Variants in TTC6 observed in about 807,000 individuals in gnomAD.
TTC6 encodes the protein tetratricopeptide repeat protein 6.
A neutral mutation model predicts 210.4 loss-of-function variants in TTC6; 172 were observed. The observed-to-expected ratio is 0.82, with a 90% confidence interval of 0.72 to 0.93. TTC6 has a LOEUF of 0.93. TTC6 is among the 40% of genes least tolerant of loss of function. The probability of loss-of-function intolerance (pLI) is 0.00; values close to 1 mark genes in which losing one functional copy is unlikely to be tolerated. For synonymous variants in TTC6, 804 were observed against 819.6 expected, an observed-to-expected ratio of 0.98 and a Z score of 0.32; for missense variants, 2,414 against 2,318.1, an observed-to-expected ratio of 1.04 and a Z score of -0.85.
At chr14:37,772,363 CTAAG>C (rs2096022064) in intron 14 of TTC6, 2 of 160,148 alleles carry the variant, frequency 1.2e-5, no homozygotes, top group African/African-American at 4.8e-5. Context: ...CTTTGTTTAC[CTAAG>C]TAAGCCTGGG....
intron 12 of TTC6, among the ~76,000 whole-genome samples, 174 bp from the exon 15 acceptor site, chr14:37,750,879 G>A (rs1049214948): frequency 6.6e-6 from 1 of 152,064 alleles, no homozygotes; most frequent in Non-Finnish European, 1.5e-5. Context: ...GACAGAAGGA[G>A]ATCCTGCCTA....
intron 2 of TTC6, among the ~76,000 whole-genome samples, chr14:37,612,159 T>G (rs1314452017): frequency 6.6e-6 from 1 of 152,222 alleles, no homozygotes; most frequent in Admixed American, 6.5e-5. Context: ...CATACACCTT[T>G]GAAACATTTC....
At chr14:37,682,070 G>T (rs1350810288) in intron 2 of TTC6, among the ~76,000 whole-genome samples, 2 of 152,020 alleles carry the variant, frequency 1.3e-5, no homozygotes, top group Non-Finnish European at 2.9e-5. Context: ...AGCCTAGATG[G>T]CTGAGCTACC....
intron 1 of TTC6, among the ~76,000 whole-genome samples, chr14:37,648,188 T>C (rs2095705054): frequency 6.6e-6 from 1 of 152,196 alleles, no homozygotes; most frequent in East Asian, 1.9e-4. Context: ...GTGGTGATAA[T>C]AGGAGTTCTT....
chr14:37,638,238 A>G (rs1023146227), intron 1 of TTC6, among the ~76,000 whole-genome samples: 2 of 152,048 alleles, frequency 1.3e-5, no homozygotes, highest in Non-Finnish European at 2.9e-5. Context: ...CATTTATATA[A>G]TGTTCTTTCT....
In TTC6 at chr14:37,842,427, A is replaced by G. The variant is rs983333015; in HGVS notation, c.*136A>G. The G allele has an allele frequency of 1.8e-5, 13 of 706,048 alleles. No individual in the cohort carries two copies. The African/African-American group carries it at 2.4e-4, about 13-fold the overall frequency. The allele number at this position is 706,048 out of a possible 1,614,324, so 43.7% of individuals were successfully genotyped here. A position where few individuals can be genotyped will look rare whatever the true frequency, so the allele number is the denominator to read the frequency against. On this transcript the variant is annotated 3_prime_UTR_variant, in exon 31 of 31. Transcript: ENST00000553443. Reference sequence around the variant, plus strand: ...TAGTCTTCCATATAACCTTCTATGCATTTTAATAAAATGTTTGTTATACAT... The same window carrying G: ...TAGTCTTCCATATAACCTTCTATGCGTTTTAATAAAATGTTTGTTATACAT...
intron 1 of TTC6, among the ~76,000 whole-genome samples, chr14:37,640,016 A>C (rs1383148087): frequency 2.6e-5 from 4 of 151,714 alleles, no homozygotes; most frequent in Non-Finnish European, 4.4e-5. Context: ...TCTTAAGGAA[A>C]ATACCTATTT....
intron 15 of TTC6, 34 bp from the exon 18 acceptor site, chr14:37,790,683 C>T: frequency 6.6e-7 from 1 of 1,504,106 alleles, no homozygotes; most frequent in Non-Finnish European, 8.9e-7. Context: ...TATTTTAGAA[C>T]CTGAATGAAA....
chr14:37,792,424 G>C lies in TTC6; in HGVS notation c.3708+10G>C. On this transcript the variant is annotated intron_variant, in intron 17 of 30. Coordinates refer to ENST00000553443, the Ensembl canonical transcript of TTC6. ...GGAAACCTATTTTAAGGTATTTAAG[G>C]CTCGAGAACCTTGATTTTTTTAAAA... 6.9e-7 allele frequency: 1 copy of C among 1,455,574 alleles called. No individual in the cohort carries two copies. The allele number at this position is 1,455,574 out of a possible 1,614,324, so 90.2% of individuals were successfully genotyped here.
intron 1 of TTC6, among the ~76,000 whole-genome samples, chr14:37,636,821 A>G (rs1334993382): frequency 1.3e-5 from 2 of 152,264 alleles, no homozygotes; most frequent in Non-Finnish European, 2.9e-5. Context: ...CTAAAATTTA[A>G]TGAAAAGGCA....
intron 30 of TTC6, 147 bp downstream of exon 32, chr14:37,841,817 C>T (rs2096210852): frequency 1.8e-5 from 13 of 705,678 alleles, no homozygotes; most frequent in South Asian, 1.5e-4. Flanking sequence ...TTAATATAAT[C>T]GATATAGGTT....
At chr14:37,826,803 ATGT>A (rs1197971144) in intron 28 of TTC6, among the ~76,000 whole-genome samples, 2 of 152,062 alleles carry the variant, frequency 1.3e-5, no homozygotes, top group East Asian at 3.9e-4. Context: ...ATTTGGGCAG[ATGT>A]TGTAGTGTTT....
intron 24 of TTC6, among the ~76,000 whole-genome samples, chr14:37,811,880 TG>T (rs752008985): frequency 1.3e-5 from 2 of 152,228 alleles, no homozygotes; most frequent in East Asian, 1.9e-4. Flanking sequence ...TTCTTGTTAC[TG>T]GGCTTAAAAC....
chr14:37,646,634 C>T (rs959915134), intron 1 of TTC6, among the ~76,000 whole-genome samples: 19 of 152,170 alleles, frequency 1.2e-4, no homozygotes, highest in African/African-American at 4.3e-4. Flanking sequence ...TTGGCAATAA[C>T]ATTTATTTAA....
chr14:37,690,086 T>C (rs1360415229), intron 3 of TTC6, among the ~76,000 whole-genome samples: 1 of 152,110 alleles, frequency 6.6e-6, no homozygotes, highest in African/African-American at 2.4e-5. Flanking sequence ...GTGTAGAGAA[T>C]TTATTAGTTT....
chr14:37,688,592 A>G (rs952664291), intron 3 of TTC6, among the ~76,000 whole-genome samples: 15 of 152,012 alleles, frequency 9.9e-5, no homozygotes, highest in African/African-American at 3.6e-4. Context: ...CTCAGGGGAG[A>G]GAGAGAGAGA....
At chr14:37,697,220 A>G (rs900874739) in intron 4 of TTC6, among the ~76,000 whole-genome samples, 2 of 152,116 alleles carry the variant, frequency 1.3e-5, no homozygotes, top group Non-Finnish European at 2.9e-5. Flanking sequence ...ACAAGCCAAC[A>G]CAAAATGTGC....
chr14:37,803,190 C>T (rs1287726853), intron 20 of TTC6, among the ~76,000 whole-genome samples: 1 of 152,168 alleles, frequency 6.6e-6, no homozygotes, highest in South Asian at 2.1e-4. Context: ...CTCTGTGACT[C>T]TAGCTGGATA....
At chr14:37,758,752 C>T (rs1385643390) in intron 14 of TTC6, among the ~76,000 whole-genome samples, 1 of 152,062 alleles carries the variant, frequency 6.6e-6, no homozygotes, top group African/African-American at 2.4e-5. Flanking sequence ...TTATTTTATA[C>T]ATTAGTTGGT....
Sources: gnomAD v4.1 joint callset for allele counts (sites outside exome capture counted in the v4.1 genomes callset) on GRCh38, gnomAD v4.1.1 for gene constraint, MANE v1.5 for transcripts, NCBI Gene and HGNC (gene_info 2026-07-23, HGNC 2026-07-21) for gene names.